Variants in SAP130 observed in about 807,000 individuals in gnomAD.
SAP130 encodes Sin3A associated protein 130, also known as histone deacetylase complex subunit SAP130.
SAP130 carries 16 observed loss-of-function variants against 103.2 expected under a neutral mutation model. The observed-to-expected ratio is 0.16, with a 90% CI of 0.10 to 0.24. SAP130 has a LOEUF of 0.24. Ranked by LOEUF, SAP130 falls within the 10% of genes least tolerant of loss-of-function variation. The probability of loss-of-function intolerance (pLI) is 1.00; values close to 1 mark genes in which losing one functional copy is unlikely to be tolerated. For missense variants in SAP130, 990 were observed against 1,359.7 expected (o/e 0.73, Z 4.28); for synonymous variants, 477 against 497.0 (o/e 0.96, Z 0.53).
intron 16 of SAP130, among the ~76,000 whole-genome samples, 187 bp from the exon 17 acceptor site, chr2:127,950,595 A>G (rs555834562): frequency 6.6e-6 from 1 of 152,224 alleles, no homozygotes; most frequent in Non-Finnish European, 1.5e-5. Flanking sequence ...CTTATAGCCC[A>G]TATCTTCATC....
In SAP130 at chr2:128,000,154, G is replaced by A; in HGVS notation, c.1018-8C>T. On this transcript the variant is annotated splice_region_variant and splice_polypyrimidine_tract_variant and intron_variant, in intron 8 of 20. Coordinates refer to ENST00000643581, the MANE Select transcript of SAP130 (RefSeq NM_001330301.2). ...AGTACTGAAGATTGTTTTCTGTGAG[G>A]GAAACCCCACAACACAGTTATAAGA... 1 of 1,613,948 alleles carries A rather than the reference G, an allele frequency of 6.2e-7. No homozygotes were observed. Among genetic ancestry groups the A allele is most frequent in the Non-Finnish European group, 8.5e-7 (1 of 1,179,872 alleles).
chr2:128,026,968 C>A (rs941970427), intron 1 of SAP130: 11 of 934,004 alleles, frequency 1.2e-5, no homozygotes, highest in Non-Finnish European at 1.3e-5. Context: ...CCGCGAAGCC[C>A]CCGCTGAGAC....
At chr2:127,990,682 G>T (rs11680182) in intron 12 of SAP130, among the ~76,000 whole-genome samples, 113,797 of 152,020 alleles carry the variant, frequency 0.75, 42,821 homozygotes, top group East Asian at 0.83. Flanking sequence ...GATTTGTACC[G>T]ATGATCCCAA....
At chr2:127,977,556 C>A (rs1304916074) in intron 15 of SAP130, among the ~76,000 whole-genome samples, 1 of 152,032 alleles carries the variant, frequency 6.6e-6, no homozygotes, top group Non-Finnish European at 1.5e-5. Flanking sequence ...AATGCCATAG[C>A]AACTGGGTGT....
intron 19 of SAP130, 120 bp downstream of exon 19, chr2:127,945,333 TATC>T: frequency 3.2e-6 from 2 of 627,948 alleles, no homozygotes. Context: ...ATAAAAATTC[TATC>T]ATAACCCATG....
At chr2:127,982,116 G>T (rs1000257930) in intron 14 of SAP130, among the ~76,000 whole-genome samples, 2 of 151,298 alleles carry the variant, frequency 1.3e-5, no homozygotes, top group African/African-American at 4.9e-5. Flanking sequence ...AAAAAAAGAC[G>T]GACAGAAGAA....
intron 7 of SAP130, among the ~76,000 whole-genome samples, chr2:128,002,970 T>C (rs575865797): frequency 1.3e-5 from 2 of 151,700 alleles, no homozygotes; most frequent in Non-Finnish European, 2.9e-5. Context: ...CTACTAAAAA[T>C]ATAAAAATTA....
Position 127,945,386 on chromosome 2 carries a change from A to G in SAP130, c.2901+70T>C, listed in dbSNP as rs1284746066. On this transcript the variant is annotated intron_variant, in intron 19 of 20. Coordinates refer to ENST00000643581, the MANE Select transcript of SAP130 (RefSeq NM_001330301.2). ...TTCAGAGTTACTTTTAAAAAGTTCT[A>G]TGAACTCAGCTATCTGCAGTGTCTT... 6 of 930,370 alleles carry G rather than the reference A, an allele frequency of 6.4e-6. No homozygotes were observed. The East Asian group carries it at 1.4e-4, about 22-fold the overall frequency. The allele number at this position is 930,370 out of a possible 1,614,324, so 57.6% of individuals were successfully genotyped here.
At chr2:128,005,936 T>C (rs964156736) in intron 7 of SAP130, among the ~76,000 whole-genome samples, 1 of 152,174 alleles carries the variant, frequency 6.6e-6, no homozygotes, top group Non-Finnish European at 1.5e-5. Context: ...GGCCAATGAA[T>C]AGTTTTATGC....
rs886149512 is a variant in SAP130, at chr2:127,989,901, T to C, written c.1478-35A>G. 5 of 1,586,406 alleles carry C rather than the reference T, an allele frequency of 3.2e-6. No individual in the cohort carries two copies. The highest frequency in any genetic ancestry group is 4.3e-6 in the Non-Finnish European group (5 of 1,162,572). ...ATGCGAAAGGTAACTATAAGAAGGTTAGCTTCATTTCACACAGTCCACATA... is the reference window on the plus strand; with the variant it reads ...ATGCGAAAGGTAACTATAAGAAGGTCAGCTTCATTTCACACAGTCCACATA... On this transcript the variant is annotated intron_variant, in intron 12 of 20. Transcript: ENST00000643581. This position sits in a 1 kb window ranked among gnomAD's most constrained non-coding sequence, Gnocchi z 4.6.
At chr2:127,956,048 CT>C (rs1005896205) in intron 15 of SAP130, among the ~76,000 whole-genome samples, 8 of 148,982 alleles carry the variant, frequency 5.4e-5, no homozygotes, top group Non-Finnish European at 7.4e-5. Context: ...TTTTTCTTTT[CT>C]TTCTCTTTAG....
At chr2:128,018,332 C>CAAACCAAAAACCAA (rs796997819) in intron 2 of SAP130, among the ~76,000 whole-genome samples, 11 of 120,734 alleles carry the variant, frequency 9.1e-5, no homozygotes, top group African/African-American at 3.0e-4. Context: ...AAAAAAAAAA[C>CAAACCAAAAACCAA]AAACCAAAAA....
At chr2:127,946,461 T>G (rs560856948) in intron 18 of SAP130, among the ~76,000 whole-genome samples, 59 of 152,360 alleles carry the variant, frequency 3.9e-4, no homozygotes, top group Non-Finnish European at 7.8e-4. Context: ...TGTTTAATTT[T>G]GTCAAATTTT....
rs149052366 is a variant in SAP130 at position 127,986,443 on chromosome 2, G to A, written c.1958+342C>T. Among the ~76,000 whole-genome samples the A allele has an allele frequency of 4.2e-4, 64 of 152,244 alleles. No individual in the cohort carries two copies. Among genetic ancestry groups the A allele is most frequent in the African/African-American group, 1.5e-3 (62 of 41,492 alleles). ...CGATTCATGCTGAATGAAGTTTATA[G>A]TATGAGTTAAGGTAACTACCTACAC... On this transcript the variant is annotated intron_variant, in intron 14 of 20. Coordinates refer to ENST00000643581, the MANE Select transcript of SAP130 (RefSeq NM_001330301.2). This position sits in a 1 kb window ranked among gnomAD's most constrained non-coding sequence, Gnocchi z 4.7.
chr2:128,023,573 A>T (rs963799469), intron 2 of SAP130, among the ~76,000 whole-genome samples: 1 of 152,138 alleles, frequency 6.6e-6, no homozygotes, highest in Non-Finnish European at 1.5e-5. Flanking sequence ...AGGTCAGGAG[A>T]TCGAGACTAT....
chr2:127,958,123 T>C (rs1679972760), intron 15 of SAP130, among the ~76,000 whole-genome samples: 1 of 152,026 alleles, frequency 6.6e-6, no homozygotes, highest in Non-Finnish European at 1.5e-5. Context: ...GAACTTAAAG[T>C]ATAAAAAAAG....
intron 19 of SAP130, among the ~76,000 whole-genome samples, chr2:127,944,343 T>C (rs908221170): frequency 2.0e-5 from 3 of 152,094 alleles, no homozygotes; most frequent in African/African-American, 7.2e-5. Flanking sequence ...GCCCCTTATG[T>C]TCTATTAAAA....
At chr2:128,003,660 C>T (rs1451043357) in intron 7 of SAP130, among the ~76,000 whole-genome samples, 2 of 151,838 alleles carry the variant, frequency 1.3e-5, no homozygotes, top group African/African-American at 4.8e-5. Context: ...AGTGACTCAC[C>T]CACACGTACC....
chr2:128,014,270 G>A (rs1448151051), intron 5 of SAP130, among the ~76,000 whole-genome samples: 1 of 151,902 alleles, frequency 6.6e-6, no homozygotes, highest in Non-Finnish European at 1.5e-5. Context: ...TGTCACCCAG[G>A]CTGGAGTGCA....
Sources: gnomAD v4.1 joint callset for allele counts (sites outside exome capture counted in the v4.1 genomes callset) on GRCh38, gnomAD v4.1.1 for gene constraint, Gnocchi (gnomAD v3.1) non-coding constraint, MANE v1.5 for transcripts, NCBI Gene and HGNC (gene_info 2026-07-23, HGNC 2026-07-21) for gene names.